NLGN1: variants seen among roughly 807,000 people sequenced by gnomAD.
The protein encoded by NLGN1 is neuroligin 1, also known as neuroligin-1.
NLGN1 carries 12 observed loss-of-function variants against 65.5 expected under a neutral mutation model. The ratio of observed to expected loss-of-function variants is 0.18; its 90% CI spans 0.12 to 0.30. NLGN1 has a LOEUF of 0.30. Among genes scored for constraint, NLGN1 ranks in the 10% least tolerant of loss-of-function variants. The pLI, the probability that NLGN1 is intolerant of heterozygous loss-of-function variation, is 1.00. For missense variants in NLGN1, 750 were observed against 1,007.1 expected (o/e 0.74, Z 3.46); for synonymous variants, 350 against 359.5 (o/e 0.97, Z 0.30).
chr3:173,720,625 A>G (rs975774675), intron 3 of NLGN1, among the ~76,000 whole-genome samples: 4 of 152,220 alleles, frequency 2.6e-5, no homozygotes, highest in African/African-American at 9.6e-5. Context: ...CACTGAGGAG[A>G]AAACACAACA....
intron 4 of NLGN1, among the ~76,000 whole-genome samples, chr3:173,992,576 T>G (rs1334005669): frequency 6.6e-6 from 1 of 152,216 alleles, no homozygotes; most frequent in Non-Finnish European, 1.5e-5. Context: ...AGAATTATTT[T>G]TATAAGTAAA....
chr3:173,915,832 A>T (rs1403755657), intron 4 of NLGN1, among the ~76,000 whole-genome samples: 1 of 150,934 alleles, frequency 6.6e-6, no homozygotes, highest in Non-Finnish European at 1.5e-5. Flanking sequence ...ATTTTCAAGG[A>T]CCATGTAGCT....
chr3:173,945,064 T>A (rs1033202192), intron 4 of NLGN1, among the ~76,000 whole-genome samples: 1 of 152,076 alleles, frequency 6.6e-6, no homozygotes, highest in African/African-American at 2.4e-5. Context: ...ATTGGATTGC[T>A]TTCTTCCAAT....
intron 4 of NLGN1, among the ~76,000 whole-genome samples, chr3:174,231,027 T>C (rs1438709097): frequency 1.3e-5 from 2 of 152,094 alleles, no homozygotes; most frequent in East Asian, 3.9e-4. Flanking sequence ...CTGTCCTTGT[T>C]TCAAAGTTAA....
intron 4 of NLGN1, among the ~76,000 whole-genome samples, chr3:174,244,315 G>A (rs1743404781): frequency 6.6e-6 from 1 of 152,064 alleles, no homozygotes; most frequent in African/African-American, 2.4e-5. Context: ...GTTTAAAAAG[G>A]TCAAATATGA....
chr3:174,079,609 C>T (rs1051485682), intron 4 of NLGN1, among the ~76,000 whole-genome samples: 3 of 152,058 alleles, frequency 2.0e-5, no homozygotes, highest in Non-Finnish European at 4.4e-5. Context: ...GCAATATTCA[C>T]AAAAGCAAAG....
chr3:173,866,941 A>C (rs549193553), intron 4 of NLGN1, among the ~76,000 whole-genome samples: 4 of 152,282 alleles, frequency 2.6e-5, no homozygotes, highest in Non-Finnish European at 5.9e-5. Flanking sequence ...AAAGAGTTAC[A>C]AATGTAAGAA....
At chr3:174,259,878 C>T (rs189464898) in intron 4 of NLGN1, among the ~76,000 whole-genome samples, 90 of 139,730 alleles carry the variant, frequency 6.4e-4, no homozygotes, top group African/African-American at 2.2e-3. Context: ...TATTCCCCTT[C>T]CTGTGTCCAT....
intron 3 of NLGN1, among the ~76,000 whole-genome samples, chr3:173,692,054 A>T (rs1290772429): frequency 3.3e-5 from 5 of 152,116 alleles, no homozygotes; most frequent in Non-Finnish European, 7.4e-5. Flanking sequence ...AAATAATAGA[A>T]GATTTATTTT....
At chr3:174,174,322 C>T (rs1729063984) in intron 4 of NLGN1, among the ~76,000 whole-genome samples, 1 of 151,996 alleles carries the variant, frequency 6.6e-6, no homozygotes, top group Admixed American at 6.6e-5. Flanking sequence ...GACTCTCTTC[C>T]TCTGGGTAGA....
At chr3:173,447,239 G>A (rs1255390372) in intron 2 of NLGN1, among the ~76,000 whole-genome samples, 2 of 152,160 alleles carry the variant, frequency 1.3e-5, no homozygotes, top group African/African-American at 2.4e-5. Context: ...ATTAATTTTT[G>A]TATAAGGTGT....
intron 4 of NLGN1, among the ~76,000 whole-genome samples, chr3:173,815,950 A>G (rs1165568617): frequency 6.7e-6 from 1 of 149,688 alleles, no homozygotes; most frequent in African/African-American, 2.4e-5. Flanking sequence ...TCATTCTTTT[A>G]GTTATTAAGG....
At chr3:174,250,176 A>G (rs1351781924) in intron 4 of NLGN1, among the ~76,000 whole-genome samples, 1 of 152,210 alleles carries the variant, frequency 6.6e-6, no homozygotes, top group East Asian at 1.9e-4. Flanking sequence ...CTAAACTCTT[A>G]TCTTCTAATC....
At chr3:173,568,039 A>C (rs1347677009) in intron 2 of NLGN1, among the ~76,000 whole-genome samples, 2 of 152,178 alleles carry the variant, frequency 1.3e-5, no homozygotes, top group Non-Finnish European at 2.9e-5. Context: ...ACATTGTGCA[A>C]TGACTAAATC....
intron 4 of NLGN1, among the ~76,000 whole-genome samples, chr3:173,848,058 A>C (rs565775362): frequency 7.2e-5 from 11 of 152,272 alleles, no homozygotes; most frequent in Middle Eastern, 3.4e-3. Flanking sequence ...TGATTTCTGC[A>C]GCTGTATTAC....
chr3:173,500,522 G>T (rs556735), intron 2 of NLGN1, among the ~76,000 whole-genome samples: 28,763 of 151,484 alleles, frequency 0.19, 2,734 homozygotes, highest in South Asian at 0.22. Context: ...TCTTTTTTTT[G>T]TGTGTCTGTG....
At chr3:174,241,343 C>T (rs1240519834) in intron 4 of NLGN1, among the ~76,000 whole-genome samples, 2 of 151,658 alleles carry the variant, frequency 1.3e-5, no homozygotes, top group Non-Finnish European at 2.9e-5. Context: ...GAGTGTACTG[C>T]TTTTATAGTA....
At chr3:173,593,311 A>G (rs1348879063) in intron 2 of NLGN1, among the ~76,000 whole-genome samples, 2 of 152,180 alleles carry the variant, frequency 1.3e-5, no homozygotes, top group Admixed American at 6.5e-5. Context: ...TACAGGTTAT[A>G]TCATCACCCA....
intron 4 of NLGN1, among the ~76,000 whole-genome samples, chr3:174,123,531 T>C (rs1296576350): frequency 6.6e-6 from 1 of 152,118 alleles, no homozygotes; most frequent in Non-Finnish European, 1.5e-5. Flanking sequence ...CTTCATAGAG[T>C]CATAAATACA....
Sources: allele counts gnomAD v4.1 joint callset (sites outside exome capture counted in the v4.1 genomes callset), GRCh38; gene constraint gnomAD v4.1.1; transcripts MANE v1.5; gene names NCBI Gene and HGNC (gene_info 2026-07-23, HGNC 2026-07-21).